CNTNAP2: variants seen among roughly 807,000 people sequenced by gnomAD.
CNTNAP2 encodes the protein contactin associated protein 2, also known as contactin-associated protein-like 2.
In CNTNAP2, 98 loss-of-function variants were observed where a neutral mutation model predicts 155.2. The observed-to-expected ratio is 0.63, with a 90% confidence interval of 0.54 to 0.75. The LOEUF is 0.75. CNTNAP2 is among the 30% of genes least tolerant of loss of function. The probability of loss-of-function intolerance (pLI) is 0.00; values close to 1 mark genes in which losing one functional copy is unlikely to be tolerated. For synonymous variants in CNTNAP2, 651 were observed against 631.2 expected (o/e 1.03, Z -0.47); for missense variants, 1,727 against 1,688.1 (o/e 1.02, Z -0.40).
chr7:146,127,776 C>A (rs1797657455), intron 1 of CNTNAP2, among the ~76,000 whole-genome samples: 1 of 152,076 alleles, frequency 6.6e-6, no homozygotes, highest in Non-Finnish European at 1.5e-5. Flanking sequence ...AAATAGAGTA[C>A]TTAAGATGTC....
chr7:147,236,347 A>G (rs917887882), intron 8 of CNTNAP2, among the ~76,000 whole-genome samples: 17 of 151,588 alleles, frequency 1.1e-4, no homozygotes, highest in African/African-American at 3.9e-4. Flanking sequence ...CTAATTCTCT[A>G]TATAACTGTG....
chr7:148,211,444 G>C (rs1226827776), intron 18 of CNTNAP2, among the ~76,000 whole-genome samples: 1 of 152,228 alleles, frequency 6.6e-6, no homozygotes, highest in East Asian at 1.9e-4. Flanking sequence ...CTGACTGAAG[G>C]AGTGGATAGA....
chr7:146,640,263 C>A (rs550750540), intron 1 of CNTNAP2, among the ~76,000 whole-genome samples: 8 of 152,114 alleles, frequency 5.3e-5, no homozygotes, highest in African/African-American at 1.9e-4. Flanking sequence ...TTATACTGAA[C>A]GCTGATGTGA....
At chr7:146,796,823 G>A (rs745426324) in intron 2 of CNTNAP2, among the ~76,000 whole-genome samples, 2 of 151,950 alleles carry the variant, frequency 1.3e-5, no homozygotes, top group Non-Finnish European at 2.9e-5. Context: ...GAGCTCAGAG[G>A]CAAGTGAAGC....
chr7:147,159,430 T>C (rs549975993), intron 8 of CNTNAP2, among the ~76,000 whole-genome samples: 1 of 152,236 alleles, frequency 6.6e-6, no homozygotes, highest in South Asian at 2.1e-4. Flanking sequence ...AATCATGTAT[T>C]TGGAAAGTCA....
chr7:147,156,014 C>G (rs1182135307), intron 8 of CNTNAP2, among the ~76,000 whole-genome samples: 1 of 152,090 alleles, frequency 6.6e-6, no homozygotes, highest in Non-Finnish European at 1.5e-5. Flanking sequence ...TGTGGCAACA[C>G]TGGAAAGAAT....
chr7:147,681,869 T>C (rs1304401777), intron 13 of CNTNAP2, among the ~76,000 whole-genome samples: 1 of 151,854 alleles, frequency 6.6e-6, no homozygotes, highest in Non-Finnish European at 1.5e-5. Context: ...GACTTAGTGC[T>C]ATCTGTGGTT....
At chr7:146,391,629 A>G (rs112199860) in intron 1 of CNTNAP2, among the ~76,000 whole-genome samples, 5,893 of 152,254 alleles carry the variant, frequency 0.039, 413 homozygotes, top group African/African-American at 0.13. Context: ...CAAAGGTTCA[A>G]ATGACTATCA....
intron 13 of CNTNAP2, among the ~76,000 whole-genome samples, chr7:147,702,214 ACT>A (rs1421737921): frequency 6.6e-6 from 1 of 151,902 alleles, no homozygotes; most frequent in Non-Finnish European, 1.5e-5. Flanking sequence ...ACAAGATATG[ACT>A]CTGAAATCAC....
At chr7:146,695,599 ATT>A (rs999665702) in intron 1 of CNTNAP2, among the ~76,000 whole-genome samples, 1 of 151,172 alleles carries the variant, frequency 6.6e-6, no homozygotes, top group South Asian at 2.1e-4. Flanking sequence ...TGTTTTTCAT[ATT>A]TTTTTTGTAG....
At chr7:146,826,061 G>A (rs1405038317) in intron 2 of CNTNAP2, among the ~76,000 whole-genome samples, 1 of 151,952 alleles carries the variant, frequency 6.6e-6, no homozygotes, top group Non-Finnish European at 1.5e-5. Context: ...TTTTAGAGCT[G>A]AGCCTCTGCC....
At chr7:147,272,959 T>C (rs1804791180) in intron 8 of CNTNAP2, among the ~76,000 whole-genome samples, 1 of 152,182 alleles carries the variant, frequency 6.6e-6, no homozygotes, top group South Asian at 2.1e-4. Context: ...ATGTGAATTG[T>C]AGGCCTTGGA....
At chr7:147,959,675 G>T (rs1379988777) in intron 14 of CNTNAP2, among the ~76,000 whole-genome samples, 1 of 152,100 alleles carries the variant, frequency 6.6e-6, no homozygotes, top group Non-Finnish European at 1.5e-5. Flanking sequence ...AGTAACTTTG[G>T]GGTCATCAGG....
At chr7:146,715,485 T>G (rs1801172000) in intron 1 of CNTNAP2, among the ~76,000 whole-genome samples, 1 of 149,358 alleles carries the variant, frequency 6.7e-6, no homozygotes, top group Non-Finnish European at 1.5e-5. Context: ...ATATTCATCT[T>G]TTCAGGACCT....
chr7:146,423,205 G>A (rs1184934837), intron 1 of CNTNAP2, among the ~76,000 whole-genome samples: 1 of 152,064 alleles, frequency 6.6e-6, no homozygotes, highest in African/African-American at 2.4e-5. Context: ...TGGGAAGGAA[G>A]AATAGTCATA....
chr7:146,220,227 G>A (rs1052844757), intron 1 of CNTNAP2, among the ~76,000 whole-genome samples: 1 of 152,022 alleles, frequency 6.6e-6, no homozygotes, highest in African/African-American at 2.4e-5. Flanking sequence ...TTGGCGTCAA[G>A]GAATGCTTGT....
At chr7:146,780,824 G>T (rs1314032936) in intron 2 of CNTNAP2, among the ~76,000 whole-genome samples, 1 of 152,036 alleles carries the variant, frequency 6.6e-6, no homozygotes, top group Non-Finnish European at 1.5e-5. Flanking sequence ...TGAACAATGA[G>T]AACACATGGA....
intron 14 of CNTNAP2, among the ~76,000 whole-genome samples, chr7:147,911,201 C>T (rs1235854528): frequency 6.6e-6 from 1 of 152,168 alleles, no homozygotes; most frequent in East Asian, 1.9e-4. Context: ...TATTCCAGCT[C>T]AAAGCCTGAG....
chr7:146,196,061 A>G (rs1798770741), intron 1 of CNTNAP2, among the ~76,000 whole-genome samples: 1 of 152,042 alleles, frequency 6.6e-6, no homozygotes, highest in East Asian at 1.9e-4. Flanking sequence ...ACAAAGTTTG[A>G]CTTCTGCTTC....
Sources: gnomAD v4.1 joint callset for allele counts (sites outside exome capture counted in the v4.1 genomes callset) on GRCh38, gnomAD v4.1.1 for gene constraint, MANE v1.5 for transcripts, NCBI Gene and HGNC (gene_info 2026-07-23, HGNC 2026-07-21) for gene names.